Variants in RHOD observed in about 807,000 individuals in gnomAD.
RHOD encodes ras homolog family member D, also known as rho-related GTP-binding protein RhoD.
Under a neutral mutation model 16.7 loss-of-function variants are expected in RHOD, and 11 were observed. The ratio of observed to expected loss-of-function variants is 0.66; its 90% CI spans 0.41 to 1.09. The LOEUF is 1.09. Among genes scored for constraint, RHOD ranks in the 50% least tolerant of loss-of-function variants. The probability of loss-of-function intolerance (pLI) is 0.00; values close to 1 mark genes in which losing one functional copy is unlikely to be tolerated. For synonymous variants in RHOD, 124 were observed against 126.3 expected, an observed-to-expected ratio of 0.98 and a Z score of 0.12; for missense variants, 271 against 291.7, an observed-to-expected ratio of 0.93 and a Z score of 0.52.
intron 1 of RHOD, among the ~76,000 whole-genome samples, chr11:67,063,516 G>A (rs1306904098): frequency 5.0e-5 from 6 of 120,310 alleles, no homozygotes; most frequent in East Asian, 2.4e-4. Flanking sequence ...TTTAAAAAAA[G>A]GCCAGGCGTG....
intron 3 of RHOD, among the ~76,000 whole-genome samples, chr11:67,069,812 C>G (rs1855003848): frequency 1.3e-5 from 2 of 152,166 alleles, no homozygotes; most frequent in African/African-American, 4.8e-5. Context: ...CCTGCCTCAG[C>G]CTCCCGAGCA....
intron 1 of RHOD, among the ~76,000 whole-genome samples, chr11:67,057,683 C>T (rs982714391): frequency 1.2e-4 from 18 of 152,262 alleles, no homozygotes; most frequent in African/African-American, 3.9e-4. Context: ...CGCGTCTCTG[C>T]TCTCCTCTGA....
At chr11:67,061,919 T>A (rs1590669197) in intron 1 of RHOD, among the ~76,000 whole-genome samples, 1 of 150,628 alleles carries the variant, frequency 6.6e-6, no homozygotes, top group South Asian at 2.1e-4. Flanking sequence ...GGAGAATCAC[T>A]TGAACCCAGG....
chr11:67,070,150 A>C (rs996086662), intron 3 of RHOD: 2 of 492,582 alleles, frequency 4.1e-6, no homozygotes, highest in South Asian at 1.8e-5. Context: ...TTTCCAGCCA[A>C]GGCCAAGTTA....
At chr11:67,066,491 G>A (rs1854960487) in intron 2 of RHOD, among the ~76,000 whole-genome samples, 1 of 152,250 alleles carries the variant, frequency 6.6e-6, no homozygotes, top group South Asian at 2.1e-4. Flanking sequence ...TCCAGGCGGT[G>A]CCAGGCCTGG....
chr11:67,059,593 A>G lies in RHOD; in HGVS notation c.132+2559A>G, dbSNP rs759763270. 5.8e-4 allele frequency among the ~76,000 whole-genome samples: 88 copies of G among 151,284 alleles called. 1 individual carries two copies. The highest frequency in any genetic ancestry group is 1.0e-3 in the Non-Finnish European group (71 of 67,854). ...ATATATGTAATTAAATAAATTAATT[A>G]AAAGAACCCACAACGTGTAAGAGTT... On this transcript the variant is annotated intron_variant, in intron 1 of 4. Coordinates refer to ENST00000308831, the MANE Select transcript of RHOD (RefSeq NM_014578.4).
At chr11:67,064,265 G>C (rs1171269177) in intron 1 of RHOD, among the ~76,000 whole-genome samples, 2 of 151,482 alleles carry the variant, frequency 1.3e-5, no homozygotes, top group African/African-American at 4.9e-5. Context: ...AATTAGCCGG[G>C]CGTGGTGGCG....
chr11:67,063,800 CAA>C (rs71045978), intron 1 of RHOD, among the ~76,000 whole-genome samples: 31 of 37,946 alleles, frequency 8.2e-4, no homozygotes, highest in East Asian at 4.7e-3. Context: ...GACTCTCTCT[CAA>C]AAAAAAAAAA....
At chr11:67,067,132 G>A (rs1854968700) in intron 3 of RHOD, among the ~76,000 whole-genome samples, 1 of 152,208 alleles carries the variant, frequency 6.6e-6, no homozygotes, top group South Asian at 2.1e-4. Flanking sequence ...TCTTCCCACG[G>A]CGGCTCTGCC....
Position 67,071,678 on chromosome 11 carries a change from G to T in RHOD, c.*76G>T. On this transcript the variant is annotated 3_prime_UTR_variant, in exon 5 of 5. Transcript: ENST00000308831. ...TGCTGAGCTGGCTGGGCTGGACCCG[G>T]TCCCTAGGCTGTGACCGCCGAACTC... 7.1e-7 allele frequency: 1 copy of T among 1,408,720 alleles called. No individual in the cohort carries two copies. Among genetic ancestry groups the T allele is most frequent in the Non-Finnish European group, 9.4e-7 (1 of 1,061,964 alleles). 87.3% of individuals were successfully genotyped at this position (1,408,720 alleles called of 1,614,324 possible).
intron 3 of RHOD, among the ~76,000 whole-genome samples, chr11:67,068,006 A>G (rs1210762769): frequency 6.6e-6 from 1 of 151,938 alleles, no homozygotes; most frequent in African/African-American, 2.4e-5. Flanking sequence ...TCACCATGTT[A>G]GCCAGGATGG....
At chr11:67,068,596 T>A (rs1161464724) in intron 3 of RHOD, among the ~76,000 whole-genome samples, 1 of 152,062 alleles carries the variant, frequency 6.6e-6, no homozygotes. Context: ...GTGGATTATT[T>A]GAGGAGTTTG....
chr11:67,071,336 G>A (rs577193897), intron 4 of RHOD, 99 bp from the exon 5 acceptor site: 14 of 1,257,124 alleles, frequency 1.1e-5, no homozygotes, highest in South Asian at 1.6e-5. Context: ...TGGGTGCTCC[G>A]CAGACCCCAC....
chr11:67,068,443 C>T (rs968910448), intron 3 of RHOD, among the ~76,000 whole-genome samples: 2 of 152,066 alleles, frequency 1.3e-5, no homozygotes, highest in South Asian at 4.1e-4. Context: ...GGGTGAAGTG[C>T]AGGCTCAGTC....
At chr11:67,065,310 A>AGG (rs1255732930) in intron 1 of RHOD, among the ~76,000 whole-genome samples, 2 of 152,176 alleles carry the variant, frequency 1.3e-5, no homozygotes, top group Non-Finnish European at 2.9e-5. Context: ...TCCTGACCTC[A>AGG]TGATCCGCCC....
intron 1 of RHOD, among the ~76,000 whole-genome samples, chr11:67,063,790 G>A (rs1854921123): frequency 8.5e-6 from 1 of 118,298 alleles, no homozygotes. Context: ...GACAGAGCAG[G>A]ACTCTCTCTC....
At chr11:67,068,199 G>A (rs1025580658) in intron 3 of RHOD, among the ~76,000 whole-genome samples, 4 of 152,364 alleles carry the variant, frequency 2.6e-5, no homozygotes, top group African/African-American at 9.6e-5. Flanking sequence ...TAGTGGAGGT[G>A]TCCGGCAGGC....
intron 1 of RHOD, among the ~76,000 whole-genome samples, chr11:67,063,665 G>T (rs1046230612): frequency 6.6e-6 from 1 of 151,430 alleles, no homozygotes; most frequent in Non-Finnish European, 1.5e-5. Flanking sequence ...CAGGTGTGCT[G>T]GCGTGTGCTT....
chr11:67,059,557 A>AT (rs1565350369), intron 1 of RHOD, among the ~76,000 whole-genome samples: 1 of 147,734 alleles, frequency 6.8e-6, no homozygotes, highest in African/African-American at 2.5e-5. Context: ...AATATATATA[A>AT]ATATATATAT....
Sources: allele counts gnomAD v4.1 joint callset (sites outside exome capture counted in the v4.1 genomes callset), GRCh38; gene constraint gnomAD v4.1.1; transcripts MANE v1.5; gene names NCBI Gene and HGNC (gene_info 2026-07-23, HGNC 2026-07-21).